The following TBL1X variants were observed in gnomAD, a reference collection of about 807,000 sequenced individuals.
The protein encoded by TBL1X is transducin beta like 1 X-linked.
TBL1X carries 10 observed loss-of-function variants against 50.7 expected under a neutral mutation model. The ratio of observed to expected loss-of-function variants is 0.20; its 90% CI spans 0.12 to 0.33. TBL1X has a LOEUF of 0.33. Among genes scored for constraint, TBL1X ranks in the 10% least tolerant of loss-of-function variants. The pLI, the probability that TBL1X is intolerant of heterozygous loss-of-function variation, is 1.00. For synonymous variants in TBL1X, 190 were observed against 214.7 expected, an observed-to-expected ratio of 0.88 and a Z score of 1.01; for missense variants, 340 against 504.4, an observed-to-expected ratio of 0.67 and a Z score of 3.12.
At chrX:9,466,615 G>T (rs1472614945) in intron 1 of TBL1X, among the ~76,000 whole-genome samples, 1 of 112,253 alleles carries the variant, frequency 8.9e-6, no homozygotes, top group Non-Finnish European at 1.9e-5. Flanking sequence ...CTGAAACATC[G>T]CCCAGTCCCT....
intron 1 of TBL1X, among the ~76,000 whole-genome samples, chrX:9,481,081 A>G (rs372237969): frequency 3.0e-4 from 33 of 111,516 alleles, no homozygotes; most frequent in East Asian, 1.4e-3. Flanking sequence ...GTCATCCACA[A>G]TTGTTTTACT....
chrX:9,563,537 G>A (rs1451395094), intron 2 of TBL1X, among the ~76,000 whole-genome samples: 5 of 112,585 alleles, frequency 4.4e-5, no homozygotes, highest in East Asian at 2.8e-4. Flanking sequence ...CCTGATTTTC[G>A]TATTTTAAAA....
intron 5 of TBL1X, among the ~76,000 whole-genome samples, chrX:9,682,965 G>T (rs2083034421): frequency 8.9e-6 from 1 of 111,812 alleles, no homozygotes; most frequent in Admixed American, 9.4e-5. Context: ...AGCACTGGGG[G>T]TCCATGTTCC....
chrX:9,658,657 TAAA>T (rs936351847), intron 5 of TBL1X, among the ~76,000 whole-genome samples: 1 of 111,773 alleles, frequency 8.9e-6, no homozygotes, highest in Non-Finnish European at 1.9e-5. Context: ...TGGCATAAAT[TAAA>T]TAATTCACAG....
At chrX:9,463,798 G>GCAGGGGAATTGCTTGAAC (rs1322968651), upstream of TBL1X, among the ~76,000 whole-genome samples, 1 of 112,491 alleles carries the variant, frequency 8.9e-6, no homozygotes, top group East Asian at 2.8e-4. Context: ...GGAGGCTGAG[G>GCAGGGGAATTGCTTGAAC]CAGGGGAATT....
intron 1 of TBL1X, among the ~76,000 whole-genome samples, chrX:9,487,279 T>C (rs1403802477): frequency 1.8e-5 from 2 of 111,789 alleles, no homozygotes; most frequent in Non-Finnish European, 3.8e-5. Flanking sequence ...AAGGAGACCC[T>C]GTACCTGTTA....
chrX:9,570,413 A>C (rs2082378972), intron 2 of TBL1X, among the ~76,000 whole-genome samples: 1 of 111,735 alleles, frequency 8.9e-6, no homozygotes, highest in Admixed American at 9.6e-5. Context: ...AAGCAGGTTG[A>C]AAATCCAGTG....
At chrX:9,715,472 G>A (rs1399563595) in intron 17 of TBL1X, among the ~76,000 whole-genome samples, 1 of 111,858 alleles carries the variant, frequency 8.9e-6, no homozygotes. Flanking sequence ...CCTGGACAGC[G>A]GGTGACCATA....
intron 2 of TBL1X, among the ~76,000 whole-genome samples, chrX:9,554,093 C>G (rs1365245388): frequency 8.9e-6 from 1 of 112,298 alleles, no homozygotes; most frequent in African/African-American, 3.2e-5. Flanking sequence ...GTTGTCCAGA[C>G]TGGTCTTAAA....
chrX:9,658,583 C>T (rs1438794206), intron 5 of TBL1X, among the ~76,000 whole-genome samples: 2 of 111,439 alleles, frequency 1.8e-5, no homozygotes, highest in Admixed American at 9.6e-5. Flanking sequence ...CATATTATTT[C>T]CTCTGGGACT....
intron 12 of TBL1X, among the ~76,000 whole-genome samples, chrX:9,697,909 C>G (rs1350592012): frequency 8.9e-6 from 1 of 111,838 alleles, no homozygotes; most frequent in Non-Finnish European, 1.9e-5. Context: ...CAAAGCAAGA[C>G]CCCGTTTCTA....
intron 2 of TBL1X, among the ~76,000 whole-genome samples, chrX:9,618,001 G>A (rs2082647897): frequency 9.0e-6 from 1 of 111,389 alleles, no homozygotes; most frequent in African/African-American, 3.3e-5. Context: ...CAGTAGCACC[G>A]CCTCCCCCAG....
chrX:9,480,445 G>C (rs1364110870), intron 1 of TBL1X, among the ~76,000 whole-genome samples: 1 of 112,378 alleles, frequency 8.9e-6, no homozygotes, highest in Non-Finnish European at 1.9e-5. Context: ...AGTTCTGTGG[G>C]TATGAGCAAG....
chrX:9,621,879 A>G (rs1265191136), intron 2 of TBL1X, among the ~76,000 whole-genome samples: 1 of 112,085 alleles, frequency 8.9e-6, no homozygotes, highest in African/African-American at 3.2e-5. Context: ...TCCAGAAACT[A>G]TCAAGATTCT....
At chrX:9,502,166 TTGAAA>T (rs2082004651) in intron 2 of TBL1X, among the ~76,000 whole-genome samples, 1 of 113,069 alleles carries the variant, frequency 8.8e-6, no homozygotes, top group African/African-American at 3.2e-5. Context: ...AGTTTACATG[TTGAAA>T]TGATCACTTG....
chrX:9,538,714 G>A (rs905848807), intron 2 of TBL1X, among the ~76,000 whole-genome samples: 2 of 112,439 alleles, frequency 1.8e-5, no homozygotes, highest in Non-Finnish European at 3.8e-5. Context: ...CAGTTTCCTG[G>A]GTGATGTTTG....
chrX:9,563,853 G>A (rs192141871), intron 2 of TBL1X, among the ~76,000 whole-genome samples: 44 of 112,349 alleles, frequency 3.9e-4, no homozygotes, highest in African/African-American at 1.3e-3. Flanking sequence ...AAGGGACTAG[G>A]GGGCAATGCA....
intron 2 of TBL1X, among the ~76,000 whole-genome samples, chrX:9,597,599 C>T (rs2082532732): frequency 2.7e-5 from 3 of 112,591 alleles, no homozygotes; most frequent in East Asian, 2.8e-4. Context: ...CCAAAAGCTA[C>T]AGGCGCTGAC....
At chrX:9,681,248 G>A (rs1013776950) in intron 5 of TBL1X, among the ~76,000 whole-genome samples, 2 of 112,067 alleles carry the variant, frequency 1.8e-5, no homozygotes, top group Non-Finnish European at 3.8e-5. Context: ...GCAGCCAGGT[G>A]GAAATGGAGT....
Sources: gnomAD v4.1 joint callset for allele counts (sites outside exome capture counted in the v4.1 genomes callset) on GRCh38, gnomAD v4.1.1 for gene constraint, MANE v1.5 for transcripts, NCBI Gene and HGNC (gene_info 2026-07-23, HGNC 2026-07-21) for gene names.